Variants in TET2 observed in about 807,000 individuals in gnomAD.
TET2 encodes tet methylcytosine dioxygenase 2, also known as methylcytosine dioxygenase TET2.
A neutral mutation model predicts 142.9 loss-of-function variants in TET2; 299 were observed. The observed-to-expected ratio is 2.09, with a 90% confidence interval of 1.90 to 2.30. TET2 has a LOEUF of 2.30. Among genes scored for constraint, TET2 ranks in the 30% most tolerant of loss-of-function variants. The pLI, the probability that TET2 is intolerant of heterozygous loss-of-function variation, is 0.00. For missense variants in TET2, 2,418 were observed against 2,378.0 expected (o/e 1.02, Z -0.35); for synonymous variants, 819 against 849.0 (o/e 0.96, Z 0.61).
chr4:105,236,678 G>A lies in TET2; in HGVS notation c.2736G>A (p.Ala912=), dbSNP rs746543401. The change falls in exon 3 of 11, where the codon GCG becomes GCA. Residue 912 remains alanine, a synonymous_variant. Coordinates refer to ENST00000380013, the MANE Select transcript of TET2 (RefSeq NM_001127208.3). ...RNQDMSGQQA[A]QLAQQRYLIH... ...AAGATATGTCTGGTCAACAAGCTGC[G>A]CAACTTGCTCAGCAAAGGTACTTGA... 40 of 1,614,052 alleles carry A rather than the reference G, an allele frequency of 2.5e-5. No homozygotes were observed. Among genetic ancestry groups the A allele is most frequent in the South Asian group, 6.6e-5 (6 of 91,082 alleles).
At position 105,224,684 on chromosome 4, in the gene TET2, G is replaced by GTCTCTCTCTCTCTCTCTCTC. The variant is rs34870510; in HGVS notation, c.-46-9189_-46-9170dup. On this transcript the variant is annotated intron_variant, in intron 2 of 10. Transcript: ENST00000380013. ...GTTAACATAATTGACATATCAGCCA[G>GTCTCTCTCTCTCTCTCTCTC]TCTCTCTCTCTCTCTCTCTCTCTCT... 1.8e-3 allele frequency among the ~76,000 whole-genome samples: 200 copies of GTCTCTCTCTCTCTCTCTCTC among 108,136 alleles called. 17 individuals carry two copies. Among genetic ancestry groups the GTCTCTCTCTCTCTCTCTCTC allele is most frequent in the Middle Eastern group, 5.8e-3 (1 of 172 alleles). The allele number at this position is 108,136 out of a possible 152,430, so 70.9% of individuals were successfully genotyped here.
Position 105,272,779 on chromosome 4 carries a change from A to G in TET2, c.4398A>G (p.Gln1466=). The G allele has an allele frequency of 1.3e-6, 2 of 1,551,696 alleles. No homozygotes were observed. Among genetic ancestry groups the G allele is most frequent in the Non-Finnish European group, 1.7e-6 (2 of 1,146,970 alleles). The change falls in exon 10 of 11, where the codon CAA becomes CAG. Residue 1466 remains glutamine (Q), a synonymous_variant. Coordinates refer to ENST00000380013, the MANE Select transcript of TET2 (RefSeq NM_001127208.3). ...CAGAGCCAGTCAAGACTTGCCGACAAAGGAAACTAGAAGCCAAGAAAGCTG... is the reference window on the plus strand; with the variant it reads ...CAGAGCCAGTCAAGACTTGCCGACAGAGGAAACTAGAAGCCAAGAAAGCTG... ...MLAEPVKTCR[Q]RKLEAKKAAA...
At chr4:105,192,763 T>C (rs1046926039) in intron 2 of TET2, among the ~76,000 whole-genome samples, 11 of 152,056 alleles carry the variant, frequency 7.2e-5, no homozygotes, top group African/African-American at 2.4e-4. Context: ...ATAAAATGTA[T>C]AATATAGTAA....
chr4:105,241,938 CTTTT>C (rs11284258), intron 4 of TET2: 83 of 1,158,236 alleles, frequency 7.2e-5, no homozygotes, highest in Middle Eastern at 3.4e-4. Flanking sequence ...TTACAGCTGC[CTTTT>C]TTTTTTTTTT....
At chr4:105,169,351 T>A (rs192199276) in intron 1 of TET2, among the ~76,000 whole-genome samples, 8 of 152,366 alleles carry the variant, frequency 5.3e-5, no homozygotes, top group Non-Finnish European at 1.0e-4. Flanking sequence ...TTTTCTCATA[T>A]GTTTGTTGGT....
chr4:105,275,161 C>A lies in TET2; in HGVS notation c.4651C>A (p.His1551Asn), dbSNP rs2110311998. Residue 1551 changes from histidine to asparagine, a missense_variant, in exon 11 of 11, where the codon CAC (histidine) becomes AAC (asparagine). His to Asn is a moderately conservative substitution (Grantham distance 68). Transcript: ENST00000380013. ...QQRPQQQQPH[H>N]PQTESVNSYS... ...GAGACCCCAGCAGCAGCAGCCACAT[C>A]ACCCTCAGACAGAGTCTGTCAACTC... 6.4e-7 allele frequency: 1 copy of A among 1,552,230 alleles called. No individual in the cohort carries two copies. The highest frequency in any genetic ancestry group is 8.7e-7 in the Non-Finnish European group (1 of 1,147,094).
intron 2 of TET2, among the ~76,000 whole-genome samples, chr4:105,191,589 A>G (rs1725792717): frequency 6.6e-6 from 1 of 152,172 alleles, no homozygotes; most frequent in Non-Finnish European, 1.5e-5. Context: ...TCAGCATAAC[A>G]AATCTTCTAA....
chr4:105,160,677 T>C (rs1245950382), intron 1 of TET2, among the ~76,000 whole-genome samples: 1 of 152,232 alleles, frequency 6.6e-6, no homozygotes, highest in African/African-American at 2.4e-5. Context: ...TGAAATGTAA[T>C]ACTATAAGTG....
At chr4:105,272,237 G>A (rs1485429031) in intron 9 of TET2, among the ~76,000 whole-genome samples, 2 of 152,190 alleles carry the variant, frequency 1.3e-5, no homozygotes, top group African/African-American at 4.8e-5. Context: ...TGAAAAGCAA[G>A]AGAGTGCTTC....
intron 1 of TET2, among the ~76,000 whole-genome samples, chr4:105,158,789 T>C (rs1466650171): frequency 6.6e-6 from 1 of 151,908 alleles, no homozygotes; most frequent in Non-Finnish European, 1.5e-5. Context: ...GAAAAAAATA[T>C]TACAGTTCTT....
chr4:105,240,634 A>G, intron 3 of TET2: 1 of 1,080,082 alleles, frequency 9.3e-7, no homozygotes, highest in South Asian at 4.6e-5. Flanking sequence ...CTAAAACACC[A>G]CACATCTCAT....
At chr4:105,176,957 C>T (rs528622017) in intron 1 of TET2, among the ~76,000 whole-genome samples, 9 of 152,246 alleles carry the variant, frequency 5.9e-5, no homozygotes, top group African/African-American at 1.9e-4. Context: ...CAAACAAACC[C>T]ATGTAAATAT....
intron 8 of TET2, among the ~76,000 whole-genome samples, chr4:105,268,323 A>G (rs750112890): frequency 1.3e-5 from 2 of 151,872 alleles, no homozygotes; most frequent in Non-Finnish European, 2.9e-5. Context: ...ATTCTTAGAC[A>G]TACATTTGAC....
intron 2 of TET2, among the ~76,000 whole-genome samples, chr4:105,194,348 C>G (rs367884881): frequency 5.8e-4 from 88 of 152,098 alleles, no homozygotes; most frequent in African/African-American, 2.0e-3. Context: ...TTGAAGTTTC[C>G]TGATTTACAA....
At chr4:105,191,529 C>T (rs1725787970) in intron 2 of TET2, among the ~76,000 whole-genome samples, 1 of 151,844 alleles carries the variant, frequency 6.6e-6, no homozygotes, top group South Asian at 2.1e-4. Flanking sequence ...TGTCTATAAT[C>T]CTTTTAGTAG....
intron 2 of TET2, among the ~76,000 whole-genome samples, chr4:105,218,432 C>T (rs151289245): frequency 1.8e-4 from 27 of 152,164 alleles, no homozygotes; most frequent in African/African-American, 5.8e-4. Context: ...CATGCCGTTT[C>T]GTTCTTTTAG....
intron 1 of TET2, among the ~76,000 whole-genome samples, chr4:105,171,024 C>G (rs1314950930): frequency 6.6e-6 from 1 of 152,108 alleles, no homozygotes; most frequent in Non-Finnish European, 1.5e-5. Context: ...GAGAAAATAT[C>G]TTTTCTGGAT....
chr4:105,257,316 T>C (rs1114718), intron 6 of TET2, among the ~76,000 whole-genome samples: 6,120 of 152,154 alleles, frequency 0.04, 281 homozygotes, highest in East Asian at 0.2. Flanking sequence ...AATCTGAAAA[T>C]CAGATTCTAC....
In TET2 at chr4:105,249,180, C is replaced by T. The variant is rs959698064; in HGVS notation, c.3803+5402C>T. ...TAGTTGGGATTACAGTTGTGCACCA[C>T]CACACCCAGCTAATTTTTGTATTTT... On this transcript the variant is annotated intron_variant, in intron 6 of 10. Transcript: ENST00000380013. Among the ~76,000 whole-genome samples the T allele has an allele frequency of 3.3e-5, 5 of 151,874 alleles. 1 individual carries two copies. The South Asian group carries it at 1.0e-3, about 32-fold the overall frequency.
Sources: allele counts gnomAD v4.1 joint callset (sites outside exome capture counted in the v4.1 genomes callset), GRCh38; gene constraint gnomAD v4.1.1; transcripts MANE v1.5; gene names NCBI Gene and HGNC (gene_info 2026-07-23, HGNC 2026-07-21).